The following PAPOLA variants were observed in gnomAD, a reference collection of about 807,000 sequenced individuals.
PAPOLA encodes the protein polynucleotide adenylyltransferase alpha.
PAPOLA carries 15 observed loss-of-function variants against 100.6 expected under a neutral mutation model. The ratio of observed to expected loss-of-function variants is 0.15; its 90% CI spans 0.10 to 0.23. The LOEUF (loss-of-function observed/expected upper bound fraction) is 0.23. PAPOLA is among the 10% of genes least tolerant of loss of function. The probability of loss-of-function intolerance (pLI) is 1.00; values close to 1 mark genes in which losing one functional copy is unlikely to be tolerated. For missense variants in PAPOLA, 533 were observed against 884.2 expected, an observed-to-expected ratio of 0.60 and a Z score of 5.04; for synonymous variants, 293 against 300.0, an observed-to-expected ratio of 0.98 and a Z score of 0.24.
At chr14:96,508,091 G>T (rs2140224411) in intron 1 of PAPOLA, among the ~76,000 whole-genome samples, 1 of 152,216 alleles carries the variant, frequency 6.6e-6, no homozygotes, top group South Asian at 2.1e-4. Context: ...GGCCAGGTTG[G>T]TCTCGAACTC....
intron 16 of PAPOLA, among the ~76,000 whole-genome samples, chr14:96,551,276 A>G (rs1448770097): frequency 6.6e-6 from 1 of 152,206 alleles, no homozygotes; most frequent in Non-Finnish European, 1.5e-5. Flanking sequence ...GTAGGCAGGT[A>G]ACTGTAGAAC....
chr14:96,504,892 A>G (rs1896605565), intron 1 of PAPOLA, among the ~76,000 whole-genome samples: 1 of 152,084 alleles, frequency 6.6e-6, no homozygotes, highest in South Asian at 2.1e-4. Context: ...CATTTTTGGT[A>G]TACCTGTCCT....
At chr14:96,544,741 A>G (rs956446093) in intron 15 of PAPOLA, among the ~76,000 whole-genome samples, 4 of 152,080 alleles carry the variant, frequency 2.6e-5, no homozygotes, top group African/African-American at 9.7e-5. Flanking sequence ...CAACTTGAAT[A>G]TATGGTTGTC....
At chr14:96,502,660 G>C (rs1170922927) in intron 1 of PAPOLA, 60 bp downstream of exon 1, 2 of 1,546,620 alleles carry the variant, frequency 1.3e-6, no homozygotes, top group Non-Finnish European at 1.7e-6. Flanking sequence ...GGGCGTCCGG[G>C]AAGGGGAAGA....
At chr14:96,543,493 AAGC>A (rs1489598368) in intron 14 of PAPOLA, among the ~76,000 whole-genome samples, 1 of 152,094 alleles carries the variant, frequency 6.6e-6, no homozygotes, top group Non-Finnish European at 1.5e-5. Context: ...TTAAAAAATA[AAGC>A]AGCATTAAAA....
intron 18 of PAPOLA, 55 bp from the exon 19 acceptor site, chr14:96,556,120 C>G: frequency 7.1e-7 from 1 of 1,413,346 alleles, no homozygotes; most frequent in Non-Finnish European, 1.0e-6. Context: ...AAACTTACAA[C>G]TTGATACTGA....
intron 1 of PAPOLA, among the ~76,000 whole-genome samples, chr14:96,509,965 C>CTTTTTTTTTTTTTT (rs11372552): frequency 1.2e-5 from 1 of 84,424 alleles, no homozygotes; most frequent in Non-Finnish European, 2.4e-5. Flanking sequence ...GTGGGAGTTG[C>CTTTTTTTTTTTTTT]TTTTTTTTTT....
chr14:96,503,275 T>C (rs1291768871), intron 1 of PAPOLA, among the ~76,000 whole-genome samples: 1 of 152,240 alleles, frequency 6.6e-6, no homozygotes, highest in Admixed American at 6.5e-5. Flanking sequence ...AAACGACTTA[T>C]GTATTGCTTT....
Position 96,565,335 on chromosome 14 carries a change from A to G in PAPOLA, c.*285A>G. On this transcript the variant is annotated 3_prime_UTR_variant, in exon 22 of 22. Coordinates refer to ENST00000216277, the MANE Select transcript of PAPOLA (RefSeq NM_032632.5). ...AGCTATATTTGTATTCATAATTGAC[A>G]TCTGGATTGGGTTTATGTTTGATGC... 3.0e-6 allele frequency: 1 copy of G among 335,946 alleles called. No homozygotes were observed. The highest frequency in any genetic ancestry group is 4.4e-5 in the Admixed American group (1 of 22,952). 20.8% of individuals were successfully genotyped at this position (335,946 alleles called of 1,614,324 possible). A position where few individuals can be genotyped will look rare whatever the true frequency, so the allele number is the denominator to read the frequency against.
At chr14:96,504,211 C>T (rs749264626) in intron 1 of PAPOLA, 3 of 152,036 alleles carry the variant, frequency 2.0e-5, no homozygotes, top group Non-Finnish European at 4.4e-5. Context: ...ATAATCATAC[C>T]AGCATTAAAA....
In PAPOLA at chr14:96,532,300, G is replaced by T. The variant is rs1270981057; in HGVS notation, c.608-31G>T. The T allele has an allele frequency of 5.7e-6, 9 of 1,586,832 alleles. No homozygotes were observed. In the South Asian group the frequency reaches 7.0e-5, roughly 12 times the overall value. On this transcript the variant is annotated intron_variant, in intron 7 of 21. Transcript: ENST00000216277. ...TGTTTTGTTTTGTGTGTGTGTGTGT[G>T]TGTGTGTTTTTTTTTACCCCTATTA...
intron 1 of PAPOLA, among the ~76,000 whole-genome samples, chr14:96,506,294 CTTTG>C (rs1896713985): frequency 6.6e-6 from 1 of 152,114 alleles, no homozygotes; most frequent in Admixed American, 6.5e-5. Context: ...AATCTTGACA[CTTTG>C]TTTATTTAAT....
At chr14:96,508,405 G>A (rs2140225291) in intron 1 of PAPOLA, among the ~76,000 whole-genome samples, 1 of 152,224 alleles carries the variant, frequency 6.6e-6, no homozygotes, top group East Asian at 1.9e-4. Context: ...TTTGAGATGT[G>A]GTGTTCTGCC....
chr14:96,559,415 G>A (rs1400186094), intron 19 of PAPOLA, among the ~76,000 whole-genome samples: 1 of 151,830 alleles, frequency 6.6e-6, no homozygotes, highest in African/African-American at 2.4e-5. Flanking sequence ...AGATAGGAAA[G>A]TTTTAGATAC....
At chr14:96,519,346 T>C (rs184697841) in intron 1 of PAPOLA, among the ~76,000 whole-genome samples, 1 of 152,334 alleles carries the variant, frequency 6.6e-6, no homozygotes, top group Admixed American at 6.5e-5. Flanking sequence ...AAAATTATTA[T>C]GTTGACTTCT....
chr14:96,535,122 T>A (rs1899406184), intron 10 of PAPOLA: 1 of 973,136 alleles, frequency 1.0e-6, no homozygotes. Context: ...TACCGCTTAC[T>A]CATTTTAAAT....
At chr14:96,529,338 A>G (rs1391552989) in intron 6 of PAPOLA, among the ~76,000 whole-genome samples, 3 of 152,028 alleles carry the variant, frequency 2.0e-5, no homozygotes, top group South Asian at 4.1e-4. Flanking sequence ...CCTAGACCAC[A>G]AGTACTTATT....
chr14:96,503,167 C>T (rs913364292), intron 1 of PAPOLA, among the ~76,000 whole-genome samples: 3 of 152,230 alleles, frequency 2.0e-5, no homozygotes, highest in African/African-American at 7.2e-5. Context: ...GAGTTAAAAG[C>T]CCAGCTTTGA....
intron 13 of PAPOLA, 165 bp downstream of exon 13, chr14:96,542,461 A>C (rs1431344891): frequency 8.8e-6 from 5 of 565,050 alleles, no homozygotes. Context: ...AAATCAGGAG[A>C]TCCATATGCA....
Sources: allele counts gnomAD v4.1 joint callset (sites outside exome capture counted in the v4.1 genomes callset), GRCh38; gene constraint gnomAD v4.1.1; transcripts MANE v1.5; gene names NCBI Gene and HGNC (gene_info 2026-07-23, HGNC 2026-07-21).